RTN1: variants seen among roughly 807,000 people sequenced by gnomAD.
RTN1 encodes reticulon-1.
RTN1 carries 25 observed loss-of-function variants against 65.5 expected under a neutral mutation model. The ratio of observed to expected loss-of-function variants is 0.38; its 90% confidence interval spans 0.28 to 0.53. The LOEUF is 0.53. RTN1 is among the 20% of genes least tolerant of loss of function. The pLI is 0.79. For missense variants in RTN1, 983 were observed against 1,025.4 expected (o/e 0.96, Z 0.57); for synonymous variants, 471 against 447.6 (o/e 1.05, Z -0.66).
At chr14:59,773,475 A>G (rs1885995412) in intron 1 of RTN1, among the ~76,000 whole-genome samples, 1 of 152,192 alleles carries the variant, frequency 6.6e-6, no homozygotes, top group South Asian at 2.1e-4. Context: ...AATCAGCACA[A>G]AAAAGACAGA....
chr14:59,795,054 C>G (rs1185326745), intron 1 of RTN1, among the ~76,000 whole-genome samples: 3 of 152,148 alleles, frequency 2.0e-5, no homozygotes, highest in Non-Finnish European at 4.4e-5. Context: ...TTAATATCCA[C>G]CCCAATTTAG....
At chr14:59,624,431 A>G (rs1882336391) in intron 3 of RTN1, among the ~76,000 whole-genome samples, 1 of 152,026 alleles carries the variant, frequency 6.6e-6, no homozygotes, top group Admixed American at 6.6e-5. Context: ...ATTATAAGGC[A>G]GCCATATTTC....
intron 3 of RTN1, among the ~76,000 whole-genome samples, chr14:59,696,740 C>G (rs1884071342): frequency 6.6e-6 from 1 of 152,110 alleles, no homozygotes; most frequent in African/African-American, 2.4e-5. Context: ...CTAACCTGGA[C>G]AGAAGTTATG....
chr14:59,621,265 T>C lies in RTN1; in HGVS notation c.1766-13773A>G, dbSNP rs535140258. On this transcript the variant is annotated intron_variant, in intron 3 of 8. Transcript: ENST00000267484. ...CTGGTATAACAAAATATGATCAGCTTTTCTCTTTTAATATCCTCCTAATGC... is the reference window on the plus strand; with the variant it reads ...CTGGTATAACAAAATATGATCAGCTCTTCTCTTTTAATATCCTCCTAATGC... Among the ~76,000 whole-genome samples the C allele has an allele frequency of 1.8e-4, 28 of 152,338 alleles. No individual in the cohort carries two copies. In the South Asian group the frequency reaches 5.4e-3, roughly 29 times the overall value.
At chr14:59,699,456 C>T (rs1884135006) in intron 3 of RTN1, among the ~76,000 whole-genome samples, 1 of 151,938 alleles carries the variant, frequency 6.6e-6, no homozygotes, top group East Asian at 1.9e-4. Flanking sequence ...TATTTTTCTG[C>T]ACTTACATTT....
rs1002853155 is a variant in RTN1, at chr14:59,858,155, G to A, written c.241+12235C>T. Among the ~76,000 whole-genome samples, 13 of 152,224 alleles carry A rather than the reference G, an allele frequency of 8.5e-5. 1 individual carries two copies. The highest frequency in any genetic ancestry group is 6.5e-4 in the Admixed American group (10 of 15,278). On this transcript the variant is annotated intron_variant, in intron 1 of 8. Coordinates refer to ENST00000267484, the MANE Select transcript of RTN1 (RefSeq NM_021136.3). ...TACGCCCAGGAGGAAATGGGGAAAG[G>A]GTACATGGCTCATGCTCCTCTATTC...
chr14:59,691,504 A>G (rs1338201669), intron 3 of RTN1, among the ~76,000 whole-genome samples: 1 of 152,188 alleles, frequency 6.6e-6, no homozygotes, highest in Non-Finnish European at 1.5e-5. Flanking sequence ...TACCAGACAT[A>G]CAAAGAACAG....
chr14:59,819,422 CCCA>C (rs1566737503), intron 1 of RTN1, among the ~76,000 whole-genome samples: 1 of 13,712 alleles, frequency 7.3e-5, no homozygotes, highest in African/African-American at 2.1e-4. Flanking sequence ...CCACCCCCCC[CCCA>C]CCCCCCACCC....
intron 3 of RTN1, among the ~76,000 whole-genome samples, chr14:59,721,817 A>G (rs1281110985): frequency 1.3e-5 from 2 of 152,232 alleles, no homozygotes; most frequent in Non-Finnish European, 2.9e-5. Flanking sequence ...AAGTATTTAC[A>G]GTCAGGTCGG....
At chr14:59,859,962 G>A (rs1024212631) in intron 1 of RTN1, among the ~76,000 whole-genome samples, 1 of 152,188 alleles carries the variant, frequency 6.6e-6, no homozygotes, top group African/African-American at 2.4e-5. Context: ...AGTTTCATAA[G>A]GGAAACAGAG....
Position 59,716,282 on chromosome 14 carries a change from T to A in RTN1, c.1765+10637A>T, listed in dbSNP as rs145681162. 1.3e-3 allele frequency among the ~76,000 whole-genome samples: 197 copies of A among 152,306 alleles called. 1 individual carries two copies. The highest frequency in any genetic ancestry group is 4.5e-3 in the African/African-American group (189 of 41,560). On this transcript the variant is annotated intron_variant, in intron 3 of 8. Transcript: ENST00000267484. Reference sequence around the variant, plus strand: ...GAAAATGAGTAGATCTTATTTTAAATCCTGGTTCTTCTACCCATGAGAAAT... The same window carrying A: ...GAAAATGAGTAGATCTTATTTTAAAACCTGGTTCTTCTACCCATGAGAAAT...
intron 3 of RTN1, among the ~76,000 whole-genome samples, chr14:59,621,619 T>A (rs1882255524): frequency 6.6e-6 from 1 of 152,194 alleles, no homozygotes; most frequent in African/African-American, 2.4e-5. Flanking sequence ...CTCCCCTTAT[T>A]TCTAGAATCC....
intron 3 of RTN1, among the ~76,000 whole-genome samples, chr14:59,651,474 T>C (rs1883018735): frequency 1.3e-5 from 2 of 152,060 alleles, no homozygotes; most frequent in Non-Finnish European, 1.5e-5. Context: ...GACATAGGCA[T>C]GGGGTCTGTA....
At chr14:59,835,746 C>T (rs1050720875) in intron 1 of RTN1, among the ~76,000 whole-genome samples, 3 of 152,120 alleles carry the variant, frequency 2.0e-5, no homozygotes, top group Admixed American at 2.0e-4. Context: ...TGATTATGTC[C>T]TAAGGCTTCT....
At chr14:59,760,304 A>G (rs1355414225) in intron 1 of RTN1, among the ~76,000 whole-genome samples, 1 of 152,208 alleles carries the variant, frequency 6.6e-6, no homozygotes, top group African/African-American at 2.4e-5. Context: ...TGTAAGAAAA[A>G]GAGGAATAAG....
intron 3 of RTN1, among the ~76,000 whole-genome samples, chr14:59,703,220 T>C (rs1884217587): frequency 6.6e-6 from 1 of 152,210 alleles, no homozygotes. Flanking sequence ...TATTATATGA[T>C]ATCGTTTGGG....
intron 3 of RTN1, among the ~76,000 whole-genome samples, chr14:59,688,406 C>T (rs904966458): frequency 6.6e-6 from 1 of 152,174 alleles, no homozygotes; most frequent in Non-Finnish European, 1.5e-5. Flanking sequence ...TCTCCTTTGG[C>T]GCTGGTGCTC....
intron 1 of RTN1, among the ~76,000 whole-genome samples, chr14:59,840,857 C>G (rs1384554385): frequency 6.6e-6 from 1 of 152,138 alleles, no homozygotes; most frequent in East Asian, 1.9e-4. Flanking sequence ...GAAATTTCAC[C>G]AAGTCCTTAG....
chr14:59,725,414 T>C (rs1416187817), intron 3 of RTN1, among the ~76,000 whole-genome samples: 2 of 152,224 alleles, frequency 1.3e-5, no homozygotes, highest in Non-Finnish European at 2.9e-5. Flanking sequence ...TTGACTGTTT[T>C]GGGGCCCCAA....
Sources: gnomAD v4.1 joint callset for allele counts (sites outside exome capture counted in the v4.1 genomes callset) on GRCh38, gnomAD v4.1.1 for gene constraint, MANE v1.5 for transcripts, NCBI Gene and HGNC (gene_info 2026-07-23, HGNC 2026-07-21) for gene names.